ADAMTS15: variants seen among roughly 807,000 people sequenced by gnomAD.
The protein encoded by ADAMTS15 is A disintegrin and metalloproteinase with thrombospondin motifs 15.
A neutral mutation model predicts 79.1 loss-of-function variants in ADAMTS15; 35 were observed. The ratio of observed to expected loss-of-function variants is 0.44; its 90% CI spans 0.34 to 0.59. The LOEUF (loss-of-function observed/expected upper bound fraction) is 0.59. Among genes scored for constraint, ADAMTS15 ranks in the 20% least tolerant of loss-of-function variants. The pLI, the probability that ADAMTS15 is intolerant of heterozygous loss-of-function variation, is 0.02. For missense variants in ADAMTS15, 1,324 were observed against 1,318.7 expected (o/e 1.00, Z -0.06); for synonymous variants, 616 against 567.3 (o/e 1.09, Z -1.22).
At chr11:130,468,749 A>C (rs1033516419) in intron 4 of ADAMTS15, among the ~76,000 whole-genome samples, 36 of 131,614 alleles carry the variant, frequency 2.7e-4, no homozygotes, top group African/African-American at 9.8e-4. Context: ...TGGGCGAAAG[A>C]GTGAGACTCC....
intron 4 of ADAMTS15, among the ~76,000 whole-genome samples, chr11:130,466,573 C>G (rs982071623): frequency 4.6e-5 from 7 of 152,330 alleles, no homozygotes; most frequent in African/African-American, 1.4e-4. Flanking sequence ...TTTCTCACCA[C>G]TTCATCTGCT....
rs1419799953 is a variant in ADAMTS15 at position 130,473,463 on chromosome 11, T to G, written c.2495T>G (p.Val832Gly). 1 of 1,612,112 alleles carries G rather than the reference T, an allele frequency of 6.2e-7. No homozygotes were observed. Among genetic ancestry groups the G allele is most frequent in the Non-Finnish European group, 8.5e-7 (1 of 1,179,648 alleles). The stretch of plus-strand genomic sequence containing the variant: ...AGCGTCCTCAGCCTCTCCAACCAGG[T>G]GGAGCAGCCGGACGACAGGCCCCCT... ...HNSVLSLSNQVEQPDDRPPAR... is the reference protein window; with the variant it reads ...HNSVLSLSNQGEQPDDRPPAR... The change falls in exon 8 of 8, where the codon GTG (valine) becomes GGG (glycine). Residue 832 changes from valine to glycine, a missense_variant. By Grantham distance (109) the Val-to-Gly change is moderately radical (BLOSUM62 -3). Transcript: ENST00000299164.
At chr11:130,470,183 T>TATATAC (rs1565397829) in intron 5 of ADAMTS15, among the ~76,000 whole-genome samples, 2 of 39,846 alleles carry the variant, frequency 5.0e-5, no homozygotes, top group African/African-American at 1.4e-4. Flanking sequence ...TATATATATG[T>TATATAC]GTGTATATAT....
At chr11:130,450,631 T>C in intron 1 of ADAMTS15, among the ~76,000 whole-genome samples, 1 of 152,192 alleles carries the variant, frequency 6.6e-6, no homozygotes, top group Non-Finnish European at 1.5e-5. Context: ...AGGGCACCTG[T>C]TTGGAGCTGA....
intron 4 of ADAMTS15, 91 bp from the exon 5 acceptor site, chr11:130,469,171 T>C (rs1226052766): frequency 2.5e-6 from 3 of 1,186,806 alleles, no homozygotes; most frequent in Non-Finnish European, 3.3e-6. Flanking sequence ...GGATGAGAAC[T>C]TGGAGGCTGT....
intron 1 of ADAMTS15, among the ~76,000 whole-genome samples, chr11:130,457,588 T>A (rs1190980550): frequency 6.6e-6 from 1 of 152,152 alleles, no homozygotes; most frequent in African/African-American, 2.4e-5. Flanking sequence ...AACAGCCAAT[T>A]GCTGGGAATC....
chr11:130,466,983 G>T (rs1309088348), intron 4 of ADAMTS15, among the ~76,000 whole-genome samples: 1 of 152,088 alleles, frequency 6.6e-6, no homozygotes, highest in South Asian at 2.1e-4. Context: ...CCCACCCAAT[G>T]CTCTGTGTTC....
chr11:130,451,969 G>A (rs1479566451), intron 1 of ADAMTS15, among the ~76,000 whole-genome samples: 2 of 152,182 alleles, frequency 1.3e-5, no homozygotes, highest in Admixed American at 6.5e-5. Flanking sequence ...TAGGTGCCTA[G>A]AGAGCAAAGC....
At chr11:130,457,050 C>G in intron 1 of ADAMTS15, among the ~76,000 whole-genome samples, 1 of 152,048 alleles carries the variant, frequency 6.6e-6, no homozygotes, top group African/African-American at 2.4e-5. Flanking sequence ...CTGGCCAACA[C>G]GGTGAAACCC....
At chr11:130,458,009 C>T (rs1356153137) in intron 1 of ADAMTS15, among the ~76,000 whole-genome samples, 1 of 152,130 alleles carries the variant, frequency 6.6e-6, no homozygotes, top group Admixed American at 6.6e-5. Context: ...GAAACCGGGA[C>T]TTCTTGATGG....
intron 4 of ADAMTS15, among the ~76,000 whole-genome samples, chr11:130,468,939 C>CAAAAAAAAAAAAAAAAAAAAAAAAAAA (rs911391031): frequency 3.6e-5 from 1 of 27,856 alleles, no homozygotes; most frequent in African/African-American, 9.9e-5. Flanking sequence ...TCCACCTCAA[C>CAAAAAAAAAAAAAAAAAAAAAAAAAAA]AAAAAAAAAA....
At position 130,448,824 on chromosome 11, in the gene ADAMTS15, G is replaced by A; in HGVS notation, c.-150G>A. 1 of 546,002 alleles carries A rather than the reference G, an allele frequency of 1.8e-6. No homozygotes were observed. 33.8% of individuals were successfully genotyped at this position (546,002 alleles called of 1,614,324 possible). ...GTGCACGCTCGCCGCCCTGGGAGGA[G>A]TCTCCCTCCCTTGGCTCTCCTTTCT... On this transcript the variant is annotated 5_prime_UTR_variant, in exon 1 of 8. Coordinates refer to ENST00000299164, the MANE Select transcript of ADAMTS15 (RefSeq NM_139055.4).
chr11:130,453,716 C>T (rs1050819679), intron 1 of ADAMTS15, among the ~76,000 whole-genome samples: 1 of 152,000 alleles, frequency 6.6e-6, no homozygotes, highest in Non-Finnish European at 1.5e-5. Context: ...TGTGAGCCAC[C>T]ATGCCTGAGC....
chr11:130,471,005 A>G lies in ADAMTS15; in HGVS notation c.1806A>G (p.Ala602=), dbSNP rs1938440743. Residue 602 remains alanine (A), a synonymous_variant, in exon 6 of 8, where the codon GCA becomes GCG. Transcript: ENST00000299164. The part of the protein sequence containing the change: ...HSTNRLTLAV[A]WVPKYSGVSP... ...CCAACCGGCTCACTCTCGCCGTGGC[A>G]TGGGTGCCCAAGTACTCCGGCGTGT... 6.2e-6 allele frequency: 10 copies of G among 1,613,856 alleles called. No individual in the cohort carries two copies. Among genetic ancestry groups the G allele is most frequent in the Non-Finnish European group, 8.5e-6 (10 of 1,180,042 alleles).
chr11:130,449,914 T>C lies in ADAMTS15; in HGVS notation c.941T>C (p.Ile314Thr), dbSNP rs772375899. Reference sequence around the variant, plus strand: ...CACCCCGAGTACTGGGACACTGCCATCCTCTTCACCAGGCAGGTGAGTTGA... The same window carrying C: ...CACCCCGAGTACTGGGACACTGCCACCCTCTTCACCAGGCAGGTGAGTTGA... ...DKHPEYWDTA[I>T]LFTRQDLCGA... The change falls in exon 1 of 8, where the codon ATC becomes ACC. Residue 314 changes from isoleucine to threonine, a missense_variant. Ile to Thr is a moderately conservative substitution (Grantham distance 89). Transcript: ENST00000299164. The surrounding 1 kb of genome is among the most constrained non-coding windows in gnomAD (Gnocchi z 7.8). 1.3e-6 allele frequency: 2 copies of C among 1,599,474 alleles called. No homozygotes were observed. Among genetic ancestry groups the C allele is most frequent in the East Asian group, 2.2e-5 (1 of 44,862 alleles).
intron 1 of ADAMTS15, among the ~76,000 whole-genome samples, chr11:130,456,873 G>T (rs921391178): frequency 6.6e-6 from 1 of 152,138 alleles, no homozygotes; most frequent in Non-Finnish European, 1.5e-5. Context: ...TGGCTCTCCT[G>T]CCTAGAACTT....
In ADAMTS15 at chr11:130,469,493, T is replaced by C. The variant is rs568006444; in HGVS notation, c.1720+54T>C. On this transcript the variant is annotated intron_variant, in intron 5 of 7. Coordinates refer to ENST00000299164, the MANE Select transcript of ADAMTS15 (RefSeq NM_139055.4). Reference sequence around the variant, plus strand: ...GGCCCAGGGGAGGTGAGGCTGGAGGTCCCCCCACCCCACCCCTACTCCATG... The same window carrying C: ...GGCCCAGGGGAGGTGAGGCTGGAGGCCCCCCCACCCCACCCCTACTCCATG... The C allele has an allele frequency of 8.5e-5, 107 of 1,262,242 alleles. No homozygotes were observed. In the African/African-American group the frequency reaches 1.5e-3, roughly 18 times the overall value. 78.2% of individuals were successfully genotyped at this position (1,262,242 alleles called of 1,614,324 possible). A position where few individuals can be genotyped will look rare whatever the true frequency, so the allele number is the denominator to read the frequency against.
rs1277254545 is a variant in ADAMTS15 at position 130,474,466 on chromosome 11, C to G, written c.*645C>G. On this transcript the variant is annotated 3_prime_UTR_variant, in exon 8 of 8. Coordinates refer to ENST00000299164, the MANE Select transcript of ADAMTS15 (RefSeq NM_139055.4). ...TGGCCCTCCTATAAAGAAGCAGCCT[C>G]TCCTTCCTCTGATGTGCAGGGTGTA... 1 of 152,414 alleles carries G rather than the reference C, an allele frequency of 6.6e-6. No individual in the cohort carries two copies. Among genetic ancestry groups the G allele is most frequent in the African/African-American group, 2.4e-5 (1 of 41,436 alleles). The allele number at this position is 152,414 out of a possible 1,614,324, so 9.4% of individuals were successfully genotyped here.
intron 4 of ADAMTS15, among the ~76,000 whole-genome samples, chr11:130,467,231 C>G (rs1037228386): frequency 2.0e-5 from 3 of 152,162 alleles, no homozygotes; most frequent in African/African-American, 2.4e-5. Flanking sequence ...CCTAGGCACA[C>G]TCTTTCAGTC....
Sources: gnomAD v4.1 joint callset for allele counts (sites outside exome capture counted in the v4.1 genomes callset) on GRCh38, gnomAD v4.1.1 for gene constraint, Gnocchi (gnomAD v3.1) non-coding constraint, MANE v1.5 for transcripts, NCBI Gene and HGNC (gene_info 2026-07-23, HGNC 2026-07-21) for gene names.